UBA6: variants seen among roughly 807,000 people sequenced by gnomAD.
UBA6 encodes ubiquitin like modifier activating enzyme 6.
A neutral mutation model predicts 148.3 loss-of-function variants in UBA6; 87 were observed. The ratio of observed to expected loss-of-function variants is 0.59; its 90% CI spans 0.49 to 0.70. The LOEUF (loss-of-function observed/expected upper bound fraction) is 0.70, where lower values mean the gene tolerates loss of function less well. UBA6 is among the 30% of genes least tolerant of loss of function. The pLI, the probability that UBA6 is intolerant of heterozygous loss-of-function variation, is 0.00. For synonymous variants in UBA6, 376 were observed against 401.0 expected, an observed-to-expected ratio of 0.94 and a Z score of 0.75; for missense variants, 1,186 against 1,241.2, an observed-to-expected ratio of 0.96 and a Z score of 0.67.
intron 27 of UBA6, among the ~76,000 whole-genome samples, chr4:67,626,918 T>C (rs1208572571): frequency 6.6e-6 from 1 of 151,984 alleles, no homozygotes; most frequent in Non-Finnish European, 1.5e-5. Context: ...TAAACGCATG[T>C]TGCTTTGCTC....
chr4:67,663,781 C>T, intron 11 of UBA6, 104 bp downstream of exon 11: 1 of 957,152 alleles, frequency 1.0e-6, no homozygotes, highest in Non-Finnish European at 1.7e-6. Context: ...TAAGGCCCGA[C>T]AGCCAGATAC....
intron 9 of UBA6, among the ~76,000 whole-genome samples, chr4:67,667,665 C>G (rs189997440): frequency 1.3e-5 from 2 of 151,942 alleles, no homozygotes; most frequent in East Asian, 3.9e-4. Context: ...TACTTTGACT[C>G]TTTTAAACAT....
chr4:67,647,426 A>C (rs538364494), intron 14 of UBA6, among the ~76,000 whole-genome samples: 1 of 152,232 alleles, frequency 6.6e-6, no homozygotes, highest in African/African-American at 2.4e-5. Flanking sequence ...TATTACAGGC[A>C]TGAGCCACTG....
At chr4:67,622,757 TATTTA>T (rs1728778826) in intron 32 of UBA6, 69 bp downstream of exon 32, 1 of 1,011,032 alleles carries the variant, frequency 9.9e-7, no homozygotes, top group Non-Finnish European at 1.5e-6. Context: ...GTAACCTCTA[TATTTA>T]ATTTTTTAGT....
intron 13 of UBA6, among the ~76,000 whole-genome samples, chr4:67,655,854 G>A (rs1022105166): frequency 6.6e-6 from 1 of 152,064 alleles, no homozygotes; most frequent in African/African-American, 2.4e-5. Context: ...TGATAAAGGG[G>A]ATATCACCAT....
intron 7 of UBA6, among the ~76,000 whole-genome samples, chr4:67,672,232 T>G (rs1164588187): frequency 2.0e-5 from 3 of 152,234 alleles, no homozygotes; most frequent in African/African-American, 7.2e-5. Context: ...AAGTTACACC[T>G]ATCAATATTT....
intron 18 of UBA6, among the ~76,000 whole-genome samples, chr4:67,639,486 A>T (rs900359724): frequency 6.6e-6 from 1 of 152,214 alleles, no homozygotes; most frequent in African/African-American, 2.4e-5. Flanking sequence ...GAACACATTC[A>T]GTAAAACATT....
chr4:67,663,969 T>C (rs1729928051), intron 10 of UBA6, 22 bp from the exon 11 acceptor site: 2 of 1,597,796 alleles, frequency 1.3e-6, no homozygotes, highest in Admixed American at 1.7e-5. Flanking sequence ...GAAAAAGTCA[T>C]TACTTCAGAG....
At chr4:67,635,000 C>T (rs982861853) in intron 20 of UBA6, among the ~76,000 whole-genome samples, 8 of 152,156 alleles carry the variant, frequency 5.3e-5, no homozygotes, top group African/African-American at 1.9e-4. Flanking sequence ...ATGGTAAATA[C>T]CTAAGTCGTT....
rs189953671 is a variant in UBA6 at position 67,647,855 on chromosome 4, C to T, written c.1249-1064G>A. On this transcript the variant is annotated intron_variant, in intron 14 of 32. Transcript: ENST00000322244. ...GTGGCACAATCTCGGCTCACTACAACCTCCGCCTCCCAGGTTCAAGCGATT... is the reference window on the plus strand; with the variant it reads ...GTGGCACAATCTCGGCTCACTACAATCTCCGCCTCCCAGGTTCAAGCGATT... Among the ~76,000 whole-genome samples the T allele has an allele frequency of 3.1e-4, 47 of 149,476 alleles. No individual in the cohort carries two copies. The East Asian group carries it at 6.3e-3, about 20-fold the overall frequency.
intron 7 of UBA6, among the ~76,000 whole-genome samples, chr4:67,671,131 GT>G (rs1730138417): frequency 6.6e-6 from 1 of 152,066 alleles, no homozygotes; most frequent in African/African-American, 2.4e-5. Context: ...AATCATAAAT[GT>G]TTTATTAAAA....
At chr4:67,657,595 C>T (rs969923753) in intron 13 of UBA6, among the ~76,000 whole-genome samples, 1 of 152,020 alleles carries the variant, frequency 6.6e-6, no homozygotes, top group African/African-American at 2.4e-5. Flanking sequence ...CTAGGCAATA[C>T]CATTCAGAAC....
intron 28 of UBA6, 58 bp downstream of exon 28, chr4:67,626,302 C>T: frequency 2.1e-6 from 2 of 970,504 alleles, no homozygotes; most frequent in Non-Finnish European, 3.3e-6. Flanking sequence ...AGGTGTAGAG[C>T]TTAGTGAAAA....
At chr4:67,677,767 C>A in intron 5 of UBA6, 45 bp from the exon 6 acceptor site, 1 of 1,017,560 alleles carries the variant, frequency 9.8e-7, no homozygotes. Context: ...ATTCAATATA[C>A]TCAAATCTCT....
rs1431367068 is a variant in UBA6, at chr4:67,663,960, A to G, written c.898-13T>C. The G allele has an allele frequency of 1.9e-6, 3 of 1,608,180 alleles. No homozygotes were observed. Among genetic ancestry groups the G allele is most frequent in the Admixed American group, 3.4e-5 (2 of 59,240 alleles). On this transcript the variant is annotated splice_polypyrimidine_tract_variant and intron_variant, in intron 10 of 32. Coordinates refer to ENST00000322244, the MANE Select transcript of UBA6 (RefSeq NM_018227.6). ...TCTCCAGTGATTCCTGATAGGAAGG[A>G]AAAAGTCATTACTTCAGAGTGAGTG...
intron 13 of UBA6, 29 bp from the exon 14 acceptor site, chr4:67,649,240 C>T (rs1194003471): frequency 2.5e-6 from 4 of 1,589,438 alleles, no homozygotes; most frequent in Non-Finnish European, 3.4e-6. Context: ...AAGACAATAA[C>T]ATTAACAGCA....
chr4:67,621,847 A>G (rs1418814122), intron 32 of UBA6, among the ~76,000 whole-genome samples: 1 of 152,204 alleles, frequency 6.6e-6, no homozygotes, highest in East Asian at 1.9e-4. Flanking sequence ...ACACAGCAGC[A>G]CAGCAGTCAT....
chr4:67,651,359 G>T (rs1240673211), intron 13 of UBA6, among the ~76,000 whole-genome samples: 1 of 152,074 alleles, frequency 6.6e-6, no homozygotes, highest in African/African-American at 2.4e-5. Context: ...ATCAAAATGG[G>T]CTTATGGTGT....
At chr4:67,681,665 C>T (rs1225453072) in intron 3 of UBA6, 74 bp from the exon 4 acceptor site, 25 of 1,003,474 alleles carry the variant, frequency 2.5e-5, no homozygotes, top group Non-Finnish European at 3.7e-5. Flanking sequence ...AGAGCTTAGT[C>T]ACATATCTGA....
Sources: allele counts gnomAD v4.1 joint callset (sites outside exome capture counted in the v4.1 genomes callset), GRCh38; gene constraint gnomAD v4.1.1; transcripts MANE v1.5; gene names NCBI Gene and HGNC (gene_info 2026-07-23, HGNC 2026-07-21).